Variants in EIF2B3 observed in about 807,000 individuals in gnomAD.
EIF2B3 encodes translation initiation factor eIF2B subunit gamma.
EIF2B3 carries 20 observed loss-of-function variants against 54.1 expected under a neutral mutation model. The ratio of observed to expected loss-of-function variants is 0.37; its 90% CI spans 0.26 to 0.54. EIF2B3 has a LOEUF of 0.54. EIF2B3 is among the 20% of genes least tolerant of loss of function. The probability of loss-of-function intolerance (pLI) is 0.86; values close to 1 mark genes in which losing one functional copy is unlikely to be tolerated. For synonymous variants in EIF2B3, 153 were observed against 188.1 expected (o/e 0.81, Z 1.52); for missense variants, 448 against 547.8 (o/e 0.82, Z 1.82).
At chr1:44,892,225 T>C (rs1655819007) in intron 6 of EIF2B3, among the ~76,000 whole-genome samples, 1 of 152,174 alleles carries the variant, frequency 6.6e-6, no homozygotes, top group South Asian at 2.1e-4. Context: ...TCCACAGGAT[T>C]TAGAATTCTC....
chr1:44,933,431 A>C (rs1383863251), intron 4 of EIF2B3, among the ~76,000 whole-genome samples: 1 of 152,202 alleles, frequency 6.6e-6, no homozygotes, highest in Non-Finnish European at 1.5e-5. Context: ...TGAACAGATA[A>C]TTCTTAAAGC....
At chr1:44,984,795 A>ATTTTTTT (rs1557718636) in intron 1 of EIF2B3, among the ~76,000 whole-genome samples, 1 of 80,468 alleles carries the variant, frequency 1.2e-5, no homozygotes, top group African/African-American at 8.6e-5. Flanking sequence ...AATAATGTCC[A>ATTTTTTT]TCTTTTTTTT....
At chr1:44,973,358 C>T (rs912163215) in intron 3 of EIF2B3, among the ~76,000 whole-genome samples, 1 of 152,138 alleles carries the variant, frequency 6.6e-6, no homozygotes, top group African/African-American at 2.4e-5. Context: ...ATAGAATATT[C>T]CTCAGCCTTA....
At chr1:44,976,872 TGACTCAGAA>T (rs1644458198) in intron 3 of EIF2B3, among the ~76,000 whole-genome samples, 3 of 152,200 alleles carry the variant, frequency 2.0e-5, no homozygotes, top group South Asian at 4.1e-4. Flanking sequence ...GAAGAGTGGT[TGACTCAGAA>T]GATCAGAGAC....
chr1:44,929,306 T>C (rs1209799866), intron 4 of EIF2B3, among the ~76,000 whole-genome samples: 1 of 152,214 alleles, frequency 6.6e-6, no homozygotes, highest in Non-Finnish European at 1.5e-5. Flanking sequence ...TATGTTTCGC[T>C]GTTGGCTAAA....
chr1:44,957,570 G>C (rs1214278198), intron 3 of EIF2B3, among the ~76,000 whole-genome samples: 1 of 152,026 alleles, frequency 6.6e-6, no homozygotes, highest in East Asian at 1.9e-4. Flanking sequence ...AGACCAGCCT[G>C]GCCAACATGA....
At chr1:44,851,079 T>G in intron 11 of EIF2B3, 76 bp from the exon 12 acceptor site, 1 of 1,472,796 alleles carries the variant, frequency 6.8e-7, no homozygotes, top group South Asian at 1.1e-5. Context: ...CTTTTTTTTT[T>G]TGGAGACCGA....
chr1:44,916,675 T>C (rs956455761), intron 5 of EIF2B3, among the ~76,000 whole-genome samples: 16 of 150,874 alleles, frequency 1.1e-4, no homozygotes, highest in African/African-American at 3.9e-4. Context: ...AAACAAAAAT[T>C]AGCCAAATGT....
At chr1:44,918,179 G>A (rs1251531665) in intron 5 of EIF2B3, among the ~76,000 whole-genome samples, 2 of 147,742 alleles carry the variant, frequency 1.4e-5, no homozygotes, top group Non-Finnish European at 3.0e-5. Flanking sequence ...TGCCTCCCAA[G>A]TTCAAGCGAT....
At chr1:44,854,574 G>A (rs887509351) in intron 11 of EIF2B3, among the ~76,000 whole-genome samples, 1 of 149,510 alleles carries the variant, frequency 6.7e-6, no homozygotes, top group African/African-American at 2.5e-5. Context: ...ATTTGGAGAG[G>A]AGACTGCATT....
At chr1:44,863,945 A>G (rs1253125314) in intron 10 of EIF2B3, among the ~76,000 whole-genome samples, 1 of 152,148 alleles carries the variant, frequency 6.6e-6, no homozygotes, top group Non-Finnish European at 1.5e-5. Context: ...TGGGTCCTCT[A>G]GATTAAAAGG....
chr1:44,873,948 C>T (rs1363670175), intron 10 of EIF2B3, among the ~76,000 whole-genome samples: 1 of 151,978 alleles, frequency 6.6e-6, no homozygotes, highest in Non-Finnish European at 1.5e-5. Context: ...CTGTGCCGGG[C>T]CAGAAGTGTT....
In EIF2B3 at chr1:44,912,381, A is replaced by C. The variant is rs149858667; in HGVS notation, c.566+14247T>G. Among the ~76,000 whole-genome samples, 21 of 152,340 alleles carry C rather than the reference A, an allele frequency of 1.4e-4. No individual in the cohort carries two copies. In the East Asian group the frequency reaches 3.7e-3, roughly 27 times the overall value. ...GTCTTATATACCTTAAATCTATCCT[A>C]CATACTTCTGTCAGATTATTTTTTT... On this transcript the variant is annotated intron_variant, in intron 5 of 11. Transcript: ENST00000360403.
At chr1:44,863,162 C>G (rs1364723468) in intron 10 of EIF2B3, 1 of 152,038 alleles carries the variant, frequency 6.6e-6, no homozygotes, top group Non-Finnish European at 1.5e-5. Context: ...ACTCATGACC[C>G]TGGGGGAAGA....
intron 6 of EIF2B3, among the ~76,000 whole-genome samples, chr1:44,884,664 A>T (rs148688482): frequency 9.8e-5 from 15 of 152,306 alleles, no homozygotes; most frequent in African/African-American, 3.4e-4. Flanking sequence ...TCCCCTTTTA[A>T]TGCTTCAAAC....
At chr1:44,978,531 A>C in intron 2 of EIF2B3, 71 bp from the exon 3 acceptor site, 1 of 1,533,982 alleles carries the variant, frequency 6.5e-7, no homozygotes, top group Middle Eastern at 1.7e-4. Flanking sequence ...CATTATTTCA[A>C]TTAGATTTGG....
intron 4 of EIF2B3, among the ~76,000 whole-genome samples, chr1:44,937,597 C>T (rs1209018070): frequency 1.6e-4 from 25 of 152,040 alleles, no homozygotes; most frequent in Admixed American, 1.6e-3. Flanking sequence ...TAAAGACCTG[C>T]AGCAGACCGG....
Position 44,943,392 on chromosome 1 carries a change from ATAT to A in EIF2B3, c.295-1730_295-1728del, listed in dbSNP as rs774792663. Among the ~76,000 whole-genome samples, 770 of 151,042 alleles carry A rather than the reference ATAT, an allele frequency of 5.1e-3. 3 individuals carry two copies. The highest frequency in any genetic ancestry group is 7.5e-3 in the Non-Finnish European group (512 of 67,836). Reference sequence around the variant, plus strand: ...ACTATCTATATCTATATCTATATCTATATCTATATCTATATCTATATCTATATC... The same window carrying A: ...ACTATCTATATCTATATCTATATCTACTATATCTATATCTATATCTATATC... On this transcript the variant is annotated intron_variant, in intron 3 of 11. Coordinates refer to ENST00000360403, the MANE Select transcript of EIF2B3 (RefSeq NM_020365.5).
intron 5 of EIF2B3, among the ~76,000 whole-genome samples, chr1:44,917,645 A>G (rs1372950177): frequency 1.3e-5 from 2 of 151,896 alleles, no homozygotes; most frequent in South Asian, 2.1e-4. Flanking sequence ...TTTAATGAAA[A>G]AAACTGAATC....
Sources: gnomAD v4.1 joint callset for allele counts (sites outside exome capture counted in the v4.1 genomes callset) on GRCh38, gnomAD v4.1.1 for gene constraint, MANE v1.5 for transcripts, NCBI Gene and HGNC (gene_info 2026-07-23, HGNC 2026-07-21) for gene names.